TYW1: variants seen among roughly 807,000 people sequenced by gnomAD.
TYW1 encodes S-adenosyl-L-methionine-dependent tRNA 4-demethylwyosine synthase TYW1.
Under a neutral mutation model 96.2 loss-of-function variants are expected in TYW1, and 46 were observed. The ratio of observed to expected loss-of-function variants is 0.48; its 90% CI spans 0.38 to 0.61. The LOEUF (loss-of-function observed/expected upper bound fraction) is 0.61, where lower values mean the gene tolerates loss of function less well. Ranked by LOEUF, TYW1 falls within the 20% of genes least tolerant of loss-of-function variation. The probability of loss-of-function intolerance (pLI) is 0.00; values close to 1 mark genes in which losing one functional copy is unlikely to be tolerated. For missense variants in TYW1, 684 were observed against 909.6 expected, an observed-to-expected ratio of 0.75 and a Z score of 3.19; for synonymous variants, 274 against 323.0, an observed-to-expected ratio of 0.85 and a Z score of 1.63.
intron 7 of TYW1, among the ~76,000 whole-genome samples, chr7:67,049,117 T>C (rs1795280882): frequency 6.6e-6 from 1 of 152,236 alleles, no homozygotes. Context: ...AGAGTACTTT[T>C]TTCATTTGTT....
chr7:67,235,195 T>A (rs1375868893), intron 15 of TYW1, among the ~76,000 whole-genome samples: 1 of 152,140 alleles, frequency 6.6e-6, no homozygotes, highest in Non-Finnish European at 1.5e-5. Context: ...CCAAAGAGAC[T>A]CCTCTACAGG....
In TYW1 at chr7:67,139,031, C is replaced by T. The variant is rs1240734019; in HGVS notation, c.1698+21413C>T. On this transcript the variant is annotated intron_variant, in intron 13 of 15. Coordinates refer to ENST00000359626, the MANE Select transcript of TYW1 (RefSeq NM_018264.4). ...GTATATAAACTTCTCTAATGCCTTA[C>T]TTCAAAACCTGTAGTTATTTGTGGA... Among the ~76,000 whole-genome samples the T allele has an allele frequency of 3.3e-5, 5 of 151,920 alleles. No individual in the cohort carries two copies. In the South Asian group the frequency reaches 6.2e-4, roughly 19 times the overall value.
intron 9 of TYW1, chr7:67,067,012 T>C (rs1472858390): frequency 1.1e-5 from 5 of 451,276 alleles, no homozygotes; most frequent in Admixed American, 3.5e-5. Flanking sequence ...TTTGAAGGAG[T>C]CTGATGGATT....
At chr7:67,078,973 C>T (rs1270742176) in intron 10 of TYW1, among the ~76,000 whole-genome samples, 10 of 152,126 alleles carry the variant, frequency 6.6e-5, no homozygotes, top group Admixed American at 2.0e-4. Flanking sequence ...GGATTACAGA[C>T]GTGAGCCACC....
At chr7:67,037,657 T>C (rs1266540067) in intron 7 of TYW1, among the ~76,000 whole-genome samples, 1 of 152,124 alleles carries the variant, frequency 6.6e-6, no homozygotes, top group African/African-American at 2.4e-5. Context: ...TTGGTTTCTT[T>C]TGTAAAGCTT....
chr7:67,202,213 A>G (rs1800626714), intron 15 of TYW1, among the ~76,000 whole-genome samples: 1 of 152,046 alleles, frequency 6.6e-6, no homozygotes, highest in African/African-American at 2.4e-5. Context: ...TTCTTATACT[A>G]GTGTCTAGTG....
Position 67,149,155 on chromosome 7 carries a change from T to A in TYW1, c.1698+31537T>A, listed in dbSNP as rs566380646. The stretch of plus-strand genomic sequence containing the variant: ...ATTTTTAGCCTGGCTATTGCCATTT[T>A]GGAGATTAGAGCTGAACCTTTTTAT... On this transcript the variant is annotated intron_variant, in intron 13 of 15. Transcript: ENST00000359626. 9.8e-5 allele frequency among the ~76,000 whole-genome samples: 15 copies of A among 152,370 alleles called. 1 individual carries two copies. In the East Asian group the frequency reaches 2.9e-3, roughly 29 times the overall value.
intron 12 of TYW1, among the ~76,000 whole-genome samples, chr7:67,113,625 C>T (rs143925771): frequency 0.24 from 35,567 of 150,598 alleles, 4,412 homozygotes; most frequent in African/African-American, 0.3. Flanking sequence ...TTCTTTCTTT[C>T]TTTCTTTTTC....
At chr7:67,188,087 G>T (rs1269187596) in intron 14 of TYW1, among the ~76,000 whole-genome samples, 4 of 152,176 alleles carry the variant, frequency 2.6e-5, no homozygotes, top group African/African-American at 9.7e-5. Context: ...TTGGGAGGCC[G>T]AGTCAGGCAG....
At chr7:67,022,915 C>T (rs1271557430) in intron 6 of TYW1, among the ~76,000 whole-genome samples, 5 of 152,100 alleles carry the variant, frequency 3.3e-5, no homozygotes, top group Non-Finnish European at 5.9e-5. Flanking sequence ...AGCGTAAGAT[C>T]GTCCGTGATA....
intron 15 of TYW1, among the ~76,000 whole-genome samples, chr7:67,224,870 T>G (rs1801508175): frequency 6.6e-6 from 1 of 152,082 alleles, no homozygotes; most frequent in South Asian, 2.1e-4. Context: ...TTTCTCATAT[T>G]CCAAAGGAGG....
In TYW1 at chr7:67,051,331, C is replaced by T. The variant is rs188958078; in HGVS notation, c.1102+1265C>T. On this transcript the variant is annotated intron_variant, in intron 8 of 15. Coordinates refer to ENST00000359626, the MANE Select transcript of TYW1 (RefSeq NM_018264.4). ...TTTTACTTTTGTTTTTTGGTTGAGT[C>T]GGGTCTTGCTCTTTTGCTTAGGCTG... 4.6e-3 allele frequency among the ~76,000 whole-genome samples: 699 copies of T among 151,658 alleles called. 7 individuals carry two copies. The highest frequency in any genetic ancestry group is 0.024 in the Middle Eastern group (7 of 294).
intron 10 of TYW1, among the ~76,000 whole-genome samples, chr7:67,070,868 A>G (rs1796007150): frequency 1.3e-5 from 2 of 152,114 alleles, no homozygotes; most frequent in East Asian, 3.8e-4. Flanking sequence ...ACGGTGGCTC[A>G]TGCCTGTAAT....
intron 8 of TYW1, among the ~76,000 whole-genome samples, chr7:67,052,963 G>T (rs7778191): frequency 0.02 from 3,100 of 151,836 alleles, 37 homozygotes; most frequent in African/African-American, 0.027. Context: ...GGATGGTCTC[G>T]ATCTCCTGAC....
chr7:67,023,487 G>T (rs183656068), intron 6 of TYW1, among the ~76,000 whole-genome samples: 1 of 152,068 alleles, frequency 6.6e-6, no homozygotes, highest in Non-Finnish European at 1.5e-5. Flanking sequence ...CTCTTTATCA[G>T]CTGGGCACGG....
intron 10 of TYW1, among the ~76,000 whole-genome samples, chr7:67,076,068 C>T (rs906865232): frequency 4.6e-5 from 7 of 152,168 alleles, no homozygotes; most frequent in African/African-American, 4.8e-5. Flanking sequence ...CTTCTTTATT[C>T]GGAGGTGTTT....
chr7:67,114,031 G>A (rs1265742519), intron 12 of TYW1, among the ~76,000 whole-genome samples: 5 of 152,158 alleles, frequency 3.3e-5, no homozygotes, highest in Non-Finnish European at 5.9e-5. Context: ...TAGCAACTGC[G>A]TGGTCGTTTT....
chr7:67,220,787 G>A (rs1195972056), intron 15 of TYW1, among the ~76,000 whole-genome samples: 1 of 151,236 alleles, frequency 6.6e-6, no homozygotes, highest in Non-Finnish European at 1.5e-5. Context: ...GCCCAGGCTG[G>A]AGTGCAATGG....
At chr7:67,100,123 T>C (rs1027611073) in intron 12 of TYW1, among the ~76,000 whole-genome samples, 3 of 152,048 alleles carry the variant, frequency 2.0e-5, no homozygotes, top group Non-Finnish European at 2.9e-5. Context: ...GCCATGTTGA[T>C]TGCTAGGATT....
Sources: gnomAD v4.1 joint callset for allele counts (sites outside exome capture counted in the v4.1 genomes callset) on GRCh38, gnomAD v4.1.1 for gene constraint, MANE v1.5 for transcripts, NCBI Gene and HGNC (gene_info 2026-07-23, HGNC 2026-07-21) for gene names.